The following SOBP variants were observed in gnomAD, a reference collection of about 807,000 sequenced individuals.
The protein encoded by SOBP is sine oculis-binding protein homolog.
Under a neutral mutation model 53.6 loss-of-function variants are expected in SOBP, and 4 were observed. The observed-to-expected ratio is 0.07, with a 90% CI of 0.04 to 0.17. The LOEUF (loss-of-function observed/expected upper bound fraction) is 0.17, where lower values mean the gene tolerates loss of function less well. Ranked by LOEUF, SOBP falls within the 10% of genes least tolerant of loss-of-function variation. The pLI is 1.00. For missense variants in SOBP, 1,088 were observed against 1,204.7 expected (o/e 0.90, Z 1.43); for synonymous variants, 584 against 522.6 (o/e 1.12, Z -1.60).
intron 4 of SOBP, among the ~76,000 whole-genome samples, chr6:107,577,643 T>C (rs908258752): frequency 2.0e-5 from 3 of 152,236 alleles, no homozygotes; most frequent in African/African-American, 2.4e-5. Flanking sequence ...TTGATGATGT[T>C]TTTAGAAGTC....
intron 3 of SOBP, among the ~76,000 whole-genome samples, chr6:107,519,929 G>T (rs773331683): frequency 2.6e-5 from 4 of 152,172 alleles, no homozygotes; most frequent in Admixed American, 6.5e-5. Flanking sequence ...AGGATGAAGT[G>T]CCATGTGTAC....
rs375388754 is a variant in SOBP, at chr6:107,599,301, A to C, written c.669+12126A>C. 1.1e-4 allele frequency among the ~76,000 whole-genome samples: 16 copies of C among 152,366 alleles called. No homozygotes were observed. In the East Asian group the frequency reaches 2.5e-3, roughly 24 times the overall value. On this transcript the variant is annotated intron_variant, in intron 5 of 6. Transcript: ENST00000317357. ...TTTAGCAAGTGCTCAATAAAGTGTAACTAATAAAGATAAATCCTTTTGGAC... is the reference window on the plus strand; with the variant it reads ...TTTAGCAAGTGCTCAATAAAGTGTACCTAATAAAGATAAATCCTTTTGGAC...
rs929742286 is a variant in SOBP at position 107,608,085 on chromosome 6, C to G, written c.669+20910C>G. Among the ~76,000 whole-genome samples, 3 of 152,308 alleles carry G rather than the reference C, an allele frequency of 2.0e-5. No homozygotes were observed. In the South Asian group the frequency reaches 6.2e-4, roughly 32 times the overall value. On this transcript the variant is annotated intron_variant, in intron 5 of 6. Transcript: ENST00000317357. ...GACTGACACTTTGAGTTTCATTTGC[C>G]TAGGACTAGGGTCCTGAAGGAAGGA...
intron 4 of SOBP, among the ~76,000 whole-genome samples, chr6:107,585,650 A>G (rs1785542191): frequency 6.6e-6 from 1 of 152,246 alleles, no homozygotes; most frequent in Non-Finnish European, 1.5e-5. Flanking sequence ...TATAAATCTC[A>G]AAAGTGAACC....
At chr6:107,497,086 A>G (rs12529571) in intron 1 of SOBP, among the ~76,000 whole-genome samples, 22 of 152,220 alleles carry the variant, frequency 1.4e-4, no homozygotes, top group Admixed American at 9.8e-4. Flanking sequence ...CTTTATCTCT[A>G]TTAATGAGTC....
chr6:107,641,140 T>G (rs945255495), intron 6 of SOBP, among the ~76,000 whole-genome samples: 1 of 152,266 alleles, frequency 6.6e-6, no homozygotes, highest in Non-Finnish European at 1.5e-5. Flanking sequence ...AAATTTTTCT[T>G]GTTTCTCTGA....
At chr6:107,587,225 G>A (rs781397569) in intron 5 of SOBP, 50 bp downstream of exon 5, 3 of 1,487,556 alleles carry the variant, frequency 2.0e-6, no homozygotes, top group Non-Finnish European at 2.8e-6. Context: ...TTAGCACAGT[G>A]AAAACAGTTT....
chr6:107,507,440 G>A (rs902553417), intron 3 of SOBP, among the ~76,000 whole-genome samples: 2 of 151,880 alleles, frequency 1.3e-5, no homozygotes, highest in African/African-American at 2.4e-5. Flanking sequence ...TGAGTAGCTG[G>A]GATTACAGCT....
At chr6:107,490,868 G>A (rs1438020353) in intron 1 of SOBP, among the ~76,000 whole-genome samples, 156 bp downstream of exon 1, 3 of 152,024 alleles carry the variant, frequency 2.0e-5, no homozygotes, top group African/African-American at 7.2e-5. Flanking sequence ...TAAAGCAGAG[G>A]CCAACTCGAG....
At chr6:107,516,340 T>A (rs772445662) in intron 3 of SOBP, among the ~76,000 whole-genome samples, 1 of 152,030 alleles carries the variant, frequency 6.6e-6, no homozygotes, top group East Asian at 1.9e-4. Context: ...TGCGCTCCTA[T>A]AATCCCAACT....
At chr6:107,503,106 G>T (rs1437124786) in intron 1 of SOBP, among the ~76,000 whole-genome samples, 3 of 152,118 alleles carry the variant, frequency 2.0e-5, no homozygotes, top group Admixed American at 6.5e-5. Flanking sequence ...AAAAAAGGAA[G>T]ACCCTTGTAA....
At chr6:107,529,332 C>T (rs963556199) in intron 3 of SOBP, 9 of 406,204 alleles carry the variant, frequency 2.2e-5, no homozygotes, top group Non-Finnish European at 2.7e-5. Flanking sequence ...CAGTGCAGCC[C>T]GGCCATGGGC....
chr6:107,586,518 C>CTTT (rs5742433), intron 4 of SOBP, among the ~76,000 whole-genome samples: 1 of 145,862 alleles, frequency 6.9e-6, no homozygotes. Flanking sequence ...TAAATTAAAT[C>CTTT]TTTTTTTTTT....
rs1315135133 is a variant in SOBP at position 107,656,288 on chromosome 6, AAAG to A, written c.*4-1916_*4-1914del. Among the ~76,000 whole-genome samples, 47 of 16,022 alleles carry A rather than the reference AAAG, an allele frequency of 2.9e-3. No individual in the cohort carries two copies. The South Asian group carries it at 0.056, about 19-fold the overall frequency. 10.5% of individuals were successfully genotyped at this position (16,022 alleles called of 152,430 possible). On this transcript the variant is annotated intron_variant, in intron 6 of 6. Coordinates refer to ENST00000317357, the MANE Select transcript of SOBP (RefSeq NM_018013.4). ...GTCACTTATTCTTGAGAAAGAAAGA[AAAG>A]AAAGAAAGAAAGAAAGAAAGAAAGA... is the stretch of plus-strand genomic sequence containing the variant.
intron 6 of SOBP, among the ~76,000 whole-genome samples, chr6:107,638,412 T>C (rs867771025): frequency 1.8e-4 from 28 of 152,286 alleles, no homozygotes; most frequent in African/African-American, 6.7e-4. Flanking sequence ...GGTTTTGCCA[T>C]GTTGGCCAGG....
At chr6:107,508,796 A>G (rs1388045739) in intron 3 of SOBP, among the ~76,000 whole-genome samples, 1 of 152,050 alleles carries the variant, frequency 6.6e-6, no homozygotes, top group Non-Finnish European at 1.5e-5. Flanking sequence ...CCAAAGACAT[A>G]TTTTACGTAG....
intron 4 of SOBP, among the ~76,000 whole-genome samples, chr6:107,575,966 G>C (rs1048507360): frequency 3.3e-5 from 5 of 152,198 alleles, no homozygotes; most frequent in African/African-American, 4.8e-5. Context: ...ACTCCAGAGA[G>C]TGTCGTTGGA....
At chr6:107,538,029 A>C (rs986567972) in intron 4 of SOBP, among the ~76,000 whole-genome samples, 1 of 152,154 alleles carries the variant, frequency 6.6e-6, no homozygotes, top group Non-Finnish European at 1.5e-5. Context: ...TAAATAATTC[A>C]AGGAGGAGAA....
rs185619634 is a variant in SOBP at position 107,655,270 on chromosome 6, A to G, written c.*4-2937A>G. 7.2e-3 allele frequency among the ~76,000 whole-genome samples: 1,098 copies of G among 152,210 alleles called. 18 individuals are homozygous for G. Among genetic ancestry groups the G allele is most frequent in the East Asian group, 0.024 (124 of 5,170 alleles). Reference sequence around the variant, plus strand: ...GGATTTCATACCTTCCATACCAATAAATATCAGAAAAGTGAAGCCCAAGCT... The same window carrying G: ...GGATTTCATACCTTCCATACCAATAGATATCAGAAAAGTGAAGCCCAAGCT... On this transcript the variant is annotated intron_variant, in intron 6 of 6. Transcript: ENST00000317357.
Sources: allele counts gnomAD v4.1 joint callset (sites outside exome capture counted in the v4.1 genomes callset), GRCh38; gene constraint gnomAD v4.1.1; transcripts MANE v1.5; gene names NCBI Gene and HGNC (gene_info 2026-07-23, HGNC 2026-07-21).